The following RASA4 variants were observed in gnomAD, a reference collection of about 807,000 sequenced individuals.
RASA4 encodes the protein RAS p21 protein activator 4, also known as ras GTPase-activating protein 4.
A neutral mutation model predicts 24.0 loss-of-function variants in RASA4; 5 were observed. The ratio of observed to expected loss-of-function variants is 0.21; its 90% CI spans 0.11 to 0.44. The LOEUF is 0.44. Ranked by LOEUF, RASA4 falls within the 20% of genes least tolerant of loss-of-function variation. RASA4 has a pLI of 0.99. For synonymous variants in RASA4, 9 were observed against 132.7 expected (o/e 0.07, Z 6.41); for missense variants, 38 against 293.0 (o/e 0.13, Z 6.35).
At chr7:102,599,759 C>T (rs1361226170) in intron 8 of RASA4, 101 bp downstream of exon 8, 4 of 131,316 alleles carry the variant, frequency 3.0e-5, no homozygotes, top group Non-Finnish European at 6.2e-5. Context: ...CCTGACCTCT[C>T]ACCCTGAGCA....
chr7:102,603,279 T>C (rs1297358164), intron 5 of RASA4, among the ~76,000 whole-genome samples: 1 of 121,864 alleles, frequency 8.2e-6, no homozygotes, highest in Non-Finnish European at 1.8e-5. Context: ...CTTTTCTTTT[T>C]TTTTTTTAAA....
rs1375961765 is a variant in RASA4 at position 102,579,909 on chromosome 7, T to A, written c.*2862A>T. The A allele has an allele frequency of 6.6e-6, 1 of 151,904 alleles. No individual in the cohort carries two copies. The highest frequency in any genetic ancestry group is 1.7e-4 in the East Asian group (1 of 5,838). 9.4% of individuals were successfully genotyped at this position (151,904 alleles called of 1,614,324 possible). On this transcript the variant is annotated 3_prime_UTR_variant, in exon 21 of 21. Coordinates refer to ENST00000262940, the MANE Select transcript of RASA4 (RefSeq NM_006989.6). ...CATTCCACTATGTAGCTCTGAAAGATAAGGACGCTTACAACACAACTGCAA... is the reference window on the plus strand; with the variant it reads ...CATTCCACTATGTAGCTCTGAAAGAAAAGGACGCTTACAACACAACTGCAA...
At chr7:102,599,783 G>A (rs1345201682) in intron 8 of RASA4, 77 bp downstream of exon 8, 1,787 of 58,896 alleles carry the variant, frequency 0.03, 1 homozygote, top group South Asian at 0.061. Context: ...CCCCTGCCCT[G>A]CCTGCCTGTA....
chr7:102,592,010 T>G (rs1312911459), intron 16 of RASA4, among the ~76,000 whole-genome samples: 1 of 152,114 alleles, frequency 6.6e-6, no homozygotes, highest in African/African-American at 2.4e-5. Context: ...ATTTTTTGTA[T>G]TTTTAGTAGA....
intron 8 of RASA4, among the ~76,000 whole-genome samples, chr7:102,597,778 G>A (rs1790287424): frequency 8.1e-6 from 1 of 123,036 alleles, no homozygotes; most frequent in Non-Finnish European, 1.9e-5. Context: ...GCAGTGGTGG[G>A]ATCTCGGCTC....
At chr7:102,590,855 G>C (rs1254659276) in intron 16 of RASA4, among the ~76,000 whole-genome samples, 3 of 141,058 alleles carry the variant, frequency 2.1e-5, no homozygotes, top group African/African-American at 8.5e-5. Flanking sequence ...CAGGAGAATC[G>C]CTTGAACCCG....
chr7:102,603,890 C>A (rs1174620464), intron 5 of RASA4, among the ~76,000 whole-genome samples: 1 of 150,198 alleles, frequency 6.7e-6, no homozygotes, highest in African/African-American at 2.4e-5. Flanking sequence ...AGCCCGGGTG[C>A]AGTGGCTCAC....
At chr7:102,597,712 C>A (rs574854356) in intron 8 of RASA4, among the ~76,000 whole-genome samples, 1 of 142,076 alleles carries the variant, frequency 7.0e-6, no homozygotes, top group Non-Finnish European at 1.6e-5. Flanking sequence ...GCATGAGCCA[C>A]CGCACCCGGC....
intron 5 of RASA4, among the ~76,000 whole-genome samples, chr7:102,603,180 C>G (rs1443672459): frequency 2.1e-5 from 3 of 139,644 alleles, no homozygotes; most frequent in Non-Finnish European, 3.1e-5. Flanking sequence ...AGGCTGCCGT[C>G]GAACTCCTGA....
intron 2 of RASA4, among the ~76,000 whole-genome samples, chr7:102,610,596 G>C (rs1198675428): frequency 1.3e-5 from 2 of 151,896 alleles, no homozygotes; most frequent in African/African-American, 2.4e-5. Flanking sequence ...GACCAGGGAG[G>C]GGAAGGGAGC....
intron 11 of RASA4, among the ~76,000 whole-genome samples, chr7:102,594,869 A>G: frequency 2.2e-5 from 1 of 46,442 alleles, no homozygotes; most frequent in South Asian, 1.1e-3. Context: ...TTAATCACAC[A>G]CACATTCTCT....
chr7:102,599,357 G>A (rs1790350092), intron 8 of RASA4, among the ~76,000 whole-genome samples: 1 of 44,268 alleles, frequency 2.3e-5, no homozygotes, highest in Non-Finnish European at 5.6e-5. Flanking sequence ...AAGGGGAGGG[G>A]CCGGGCGCGG....
At chr7:102,587,097 AAACAAC>A (rs759682675) in intron 18 of RASA4, among the ~76,000 whole-genome samples, 7,428 of 11,488 alleles carry the variant, frequency 0.65, 2,194 homozygotes, top group East Asian at 0.88. Context: ...ACTCAGTATC[AAACAAC>A]AACAACAACA....
At chr7:102,610,359 G>A (rs1790785488) in intron 2 of RASA4, among the ~76,000 whole-genome samples, 1 of 135,000 alleles carries the variant, frequency 7.4e-6, no homozygotes. Context: ...GTAGGCCACG[G>A]GCACTCAGGT....
In RASA4 at chr7:102,595,382, GT is replaced by G. The variant is rs1364206267; in HGVS notation, c.1007-14del. ...GTGTTGGTCTCACCTACAAACAGAG[GT>G]CCCAGTGGGTAGGGGGCTGGCACAA... is the stretch of plus-strand genomic sequence containing the variant. On this transcript the variant is annotated splice_polypyrimidine_tract_variant and intron_variant, in intron 10 of 20. Coordinates refer to ENST00000262940, the MANE Select transcript of RASA4 (RefSeq NM_006989.6). The G allele has an allele frequency of 7.0e-7, 1 of 1,421,980 alleles. No homozygotes were observed. The highest frequency in any genetic ancestry group is 1.6e-5 in the African/African-American group (1 of 64,512). 88.1% of individuals were successfully genotyped at this position (1,421,980 alleles called of 1,614,324 possible).
intron 4 of RASA4, among the ~76,000 whole-genome samples, chr7:102,606,395 CA>C (rs555519087): frequency 0.014 from 802 of 55,376 alleles, 2 homozygotes; most frequent in Non-Finnish European, 0.024. Flanking sequence ...GACCCCATCT[CA>C]AAAAAAAAAA....
intron 5 of RASA4, among the ~76,000 whole-genome samples, chr7:102,603,863 ACC>A (rs1790486038): frequency 5.6e-5 from 3 of 53,508 alleles, no homozygotes; most frequent in African/African-American, 5.8e-5. Context: ...AAAAAAAACC[ACC>A]AAAAAAAAAA....
At chr7:102,606,927 AC>A (rs1245608649) in intron 4 of RASA4, among the ~76,000 whole-genome samples, 1 of 37,980 alleles carries the variant, frequency 2.6e-5, no homozygotes, top group Admixed American at 2.9e-4. Flanking sequence ...GGGCCACTAG[AC>A]CCCAGAGACG....
At chr7:102,590,498 C>T (rs1789923636) in intron 16 of RASA4, among the ~76,000 whole-genome samples, 1 of 70,936 alleles carries the variant, frequency 1.4e-5, no homozygotes, top group Non-Finnish European at 2.6e-5. Flanking sequence ...CTGGGGGGCA[C>T]TCCCAGAAGG....
Sources: allele counts gnomAD v4.1 joint callset (sites outside exome capture counted in the v4.1 genomes callset), GRCh38; gene constraint gnomAD v4.1.1; transcripts MANE v1.5; gene names NCBI Gene and HGNC (gene_info 2026-07-23, HGNC 2026-07-21).